The following EIF2B3 variants were observed in gnomAD, a reference collection of about 807,000 sequenced individuals.
EIF2B3 encodes the protein translation initiation factor eIF2B subunit gamma.
Under a neutral mutation model 54.1 loss-of-function variants are expected in EIF2B3, and 20 were observed. That is an observed-to-expected ratio of 0.37 (90% CI 0.26 to 0.54). EIF2B3 has a LOEUF of 0.54. EIF2B3 is among the 20% of genes least tolerant of loss of function. The probability of loss-of-function intolerance (pLI) is 0.86; values close to 1 mark genes in which losing one functional copy is unlikely to be tolerated. For missense variants in EIF2B3, 448 were observed against 547.8 expected, an observed-to-expected ratio of 0.82 and a Z score of 1.82; for synonymous variants, 153 against 188.1, an observed-to-expected ratio of 0.81 and a Z score of 1.52.
At chr1:44,868,793 G>C (rs770359625) in intron 10 of EIF2B3, among the ~76,000 whole-genome samples, 2 of 152,148 alleles carry the variant, frequency 1.3e-5, no homozygotes, top group Non-Finnish European at 2.9e-5. Flanking sequence ...GTGTAGTTCT[G>C]GTTTAAGAGA....
At chr1:44,942,046 T>C (rs1309484790) in intron 3 of EIF2B3, among the ~76,000 whole-genome samples, 1 of 152,022 alleles carries the variant, frequency 6.6e-6, no homozygotes, top group Non-Finnish European at 1.5e-5. Context: ...TGACTTAATA[T>C]GGCAAAGAAC....
At chr1:44,888,834 C>T (rs1471595485) in intron 6 of EIF2B3, among the ~76,000 whole-genome samples, 6 of 152,220 alleles carry the variant, frequency 3.9e-5, no homozygotes, top group Admixed American at 2.6e-4. Context: ...TAATGTCTCT[C>T]GGTCTCTTCC....
In EIF2B3 at chr1:44,890,168, T is replaced by C. The variant is rs1257937935; in HGVS notation, c.656+7187A>G. Among the ~76,000 whole-genome samples the C allele has an allele frequency of 2.6e-5, 4 of 152,328 alleles. No individual in the cohort carries two copies. The East Asian group carries it at 7.7e-4, about 29-fold the overall frequency. ...TTCCCTCTTTTTGGGATCCAGGATC[T>C]GATATAAAAACGGGACTCTTGATTT... On this transcript the variant is annotated intron_variant, in intron 6 of 11. Transcript: ENST00000360403.
intron 4 of EIF2B3, among the ~76,000 whole-genome samples, chr1:44,936,636 T>C (rs1053394204): frequency 4.2e-4 from 64 of 152,074 alleles, no homozygotes; most frequent in African/African-American, 1.3e-3. Context: ...GTCTAGACAT[T>C]TGTCACTATG....
chr1:44,964,149 A>G (rs997560099), intron 3 of EIF2B3, among the ~76,000 whole-genome samples: 1 of 147,986 alleles, frequency 6.8e-6, no homozygotes, highest in African/African-American at 2.5e-5. Context: ...AAAAAAAAAG[A>G]CTCCAAAATT....
intron 5 of EIF2B3, among the ~76,000 whole-genome samples, chr1:44,913,729 T>C (rs1643564357): frequency 6.6e-6 from 1 of 151,386 alleles, no homozygotes; most frequent in South Asian, 2.1e-4. Flanking sequence ...CTCAAACTCC[T>C]GGCCTCAAGT....
At chr1:44,955,388 G>C (rs143895833) in intron 3 of EIF2B3, among the ~76,000 whole-genome samples, 1,620 of 152,132 alleles carry the variant, frequency 0.011, 33 homozygotes, top group African/African-American at 0.037. Flanking sequence ...AGACTTAAAC[G>C]TAAGACCCAA....
At chr1:44,891,090 C>T (rs1655783624) in intron 6 of EIF2B3, among the ~76,000 whole-genome samples, 1 of 151,958 alleles carries the variant, frequency 6.6e-6, no homozygotes, top group Admixed American at 6.6e-5. Flanking sequence ...AAAAAAGAGA[C>T]TTTTTTTAAA....
intron 3 of EIF2B3, among the ~76,000 whole-genome samples, chr1:44,966,388 G>A (rs1047499850): frequency 1.0e-4 from 15 of 148,578 alleles, no homozygotes; most frequent in African/African-American, 2.2e-4. Context: ...GCAGTGAGCC[G>A]AGATTATGCC....
intron 10 of EIF2B3, among the ~76,000 whole-genome samples, chr1:44,868,460 C>G (rs1654857380): frequency 6.7e-6 from 1 of 148,504 alleles, no homozygotes; most frequent in African/African-American, 2.5e-5. Context: ...GTTTCCTCGC[C>G]AAGTCTCTTC....
At chr1:44,877,191 A>AT (rs369207718) in intron 8 of EIF2B3, among the ~76,000 whole-genome samples, 2,296 of 131,402 alleles carry the variant, frequency 0.017, 82 homozygotes, top group African/African-American at 0.04. Context: ...AGAATGATCA[A>AT]TAAAAAAAAA....
intron 4 of EIF2B3, among the ~76,000 whole-genome samples, chr1:44,930,190 T>A (rs1246127860): frequency 6.6e-6 from 1 of 152,212 alleles, no homozygotes; most frequent in East Asian, 1.9e-4. Flanking sequence ...AATAAATATC[T>A]TTGTACACCT....
intron 11 of EIF2B3, among the ~76,000 whole-genome samples, chr1:44,856,508 C>T (rs942704415): frequency 2.7e-4 from 38 of 140,042 alleles, no homozygotes; most frequent in African/African-American, 9.7e-4. Flanking sequence ...GAGCAAGACT[C>T]TGTCTCAAAA....
chr1:44,873,281 C>T (rs898594368), intron 10 of EIF2B3, among the ~76,000 whole-genome samples: 2 of 152,160 alleles, frequency 1.3e-5, no homozygotes, highest in African/African-American at 4.8e-5. Context: ...TTTCCCTCTT[C>T]CCAGAGGCAA....
chr1:44,882,670 A>G (rs1009477179), intron 6 of EIF2B3, among the ~76,000 whole-genome samples: 5 of 149,944 alleles, frequency 3.3e-5, no homozygotes, highest in African/African-American at 1.2e-4. Flanking sequence ...GCTGGAGTGC[A>G]GTGGCATGAT....
intron 1 of EIF2B3, among the ~76,000 whole-genome samples, chr1:44,981,383 A>G (rs907741847): frequency 6.6e-6 from 1 of 152,150 alleles, no homozygotes; most frequent in Non-Finnish European, 1.5e-5. Flanking sequence ...TATCCTTGGT[A>G]AAAGTGGGAG....
At chr1:44,937,605 C>A (rs971388744) in intron 4 of EIF2B3, among the ~76,000 whole-genome samples, 3 of 150,958 alleles carry the variant, frequency 2.0e-5, no homozygotes, top group Non-Finnish European at 4.4e-5. Context: ...TGCAGCAGAC[C>A]GGGCGCGGTG....
At chr1:44,873,651 T>A (rs10158188) in intron 10 of EIF2B3, among the ~76,000 whole-genome samples, 64,878 of 151,548 alleles carry the variant, frequency 0.43, 14,691 homozygotes, top group African/African-American at 0.58. Context: ...TTATTTATTT[T>A]TTTTTTTGAG....
At position 44,959,257 on chromosome 1, in the gene EIF2B3, G is replaced by A. The variant is rs545675546; in HGVS notation, c.295-17592C>T. The stretch of plus-strand genomic sequence containing the variant: ...AGGGTGATGGAGATGGAGATTTTCA[G>A]TTCAGACCTTTTTTTTTGTGGGTTC... On this transcript the variant is annotated intron_variant, in intron 3 of 11. Transcript: ENST00000360403. 3.0e-3 allele frequency: 2,056 copies of A among 691,986 alleles called. 8 individuals are homozygous for A. The highest frequency in any genetic ancestry group is 4.6e-3 in the Non-Finnish European group (1,689 of 369,822). 42.9% of individuals were successfully genotyped at this position (691,986 alleles called of 1,614,324 possible). A position where few individuals can be genotyped will look rare whatever the true frequency, so the allele number is the denominator to read the frequency against.
Sources: allele counts gnomAD v4.1 joint callset (sites outside exome capture counted in the v4.1 genomes callset), GRCh38; gene constraint gnomAD v4.1.1; transcripts MANE v1.5; gene names NCBI Gene and HGNC (gene_info 2026-07-23, HGNC 2026-07-21).